The following SLC4A4 variants were observed in gnomAD, a reference collection of about 807,000 sequenced individuals.
The protein encoded by SLC4A4 is solute carrier family 4 member 4, also known as electrogenic sodium bicarbonate cotransporter 1.
SLC4A4 carries 27 observed loss-of-function variants against 111.5 expected under a neutral mutation model. The ratio of observed to expected loss-of-function variants is 0.24; its 90% CI spans 0.18 to 0.33. The LOEUF (loss-of-function observed/expected upper bound fraction) is 0.33. Ranked by LOEUF, SLC4A4 falls within the 10% of genes least tolerant of loss-of-function variation. The probability of loss-of-function intolerance (pLI) is 1.00; values close to 1 mark genes in which losing one functional copy is unlikely to be tolerated. For missense variants in SLC4A4, 909 were observed against 1,315.5 expected (o/e 0.69, Z 4.78); for synonymous variants, 443 against 463.4 (o/e 0.96, Z 0.57).
intron 2 of SLC4A4, among the ~76,000 whole-genome samples, chr4:71,100,739 T>G (rs1742705160): frequency 2.6e-5 from 4 of 152,122 alleles, no homozygotes; most frequent in Admixed American, 2.6e-4. Context: ...GATAAACAAC[T>G]TCAGCAAAGT....
chr4:71,453,312 A>G (rs893496515), intron 11 of SLC4A4, among the ~76,000 whole-genome samples, 183 bp from the exon 12 acceptor site: 9 of 152,202 alleles, frequency 5.9e-5, no homozygotes, highest in Non-Finnish European at 1.2e-4. Context: ...ACCCAAAAAG[A>G]AAGAGATAGA....
intron 6 of SLC4A4, among the ~76,000 whole-genome samples, chr4:71,387,183 A>G (rs1157376084): frequency 6.6e-6 from 1 of 152,240 alleles, no homozygotes; most frequent in Admixed American, 6.5e-5. Flanking sequence ...AGAGTTTTGC[A>G]GGGAAGATGT....
At chr4:71,304,810 G>A (rs932763058) in intron 3 of SLC4A4, among the ~76,000 whole-genome samples, 5 of 152,148 alleles carry the variant, frequency 3.3e-5, no homozygotes, top group Admixed American at 3.3e-4. Context: ...AGTAAAAGTT[G>A]TCTTAGAGGA....
intron 2 of SLC4A4, among the ~76,000 whole-genome samples, chr4:71,124,057 G>C (rs1388217043): frequency 6.6e-6 from 1 of 152,030 alleles, no homozygotes; most frequent in African/African-American, 2.4e-5. Context: ...TGTTTATTTG[G>C]GTGGTTGTGG....
chr4:71,414,179 C>T (rs1721638885), intron 7 of SLC4A4, among the ~76,000 whole-genome samples: 1 of 152,250 alleles, frequency 6.6e-6, no homozygotes, highest in Non-Finnish European at 1.5e-5. Flanking sequence ...CATGCACTCC[C>T]TGGATCCCCA....
At chr4:71,150,536 C>T (rs1236889701) in intron 2 of SLC4A4, among the ~76,000 whole-genome samples, 7 of 152,038 alleles carry the variant, frequency 4.6e-5, no homozygotes, top group Admixed American at 4.6e-4. Context: ...AATGCGTTAC[C>T]TAAATGGAAA....
intron 7 of SLC4A4, 101 bp from the exon 8 acceptor site, chr4:71,440,515 A>G (rs1276012193): frequency 2.3e-6 from 3 of 1,293,796 alleles, no homozygotes; most frequent in Admixed American, 1.7e-5. Flanking sequence ...CCTGTGAGTG[A>G]TACATGGGAA....
chr4:71,262,492 T>A (rs1028753257), intron 3 of SLC4A4, among the ~76,000 whole-genome samples: 8 of 152,220 alleles, frequency 5.3e-5, no homozygotes, highest in Non-Finnish European at 7.3e-5. Context: ...TCCTGGTTAA[T>A]ATAGAATCAA....
chr4:71,111,250 T>C (rs1386871573), intron 2 of SLC4A4, among the ~76,000 whole-genome samples: 1 of 152,194 alleles, frequency 6.6e-6, no homozygotes, highest in African/African-American at 2.4e-5. Flanking sequence ...AGACAACTTG[T>C]CACCCTATTT....
chr4:71,233,302 A>G, intron 1 of SLC4A4: 1 of 985,414 alleles, frequency 1.0e-6, no homozygotes, highest in Non-Finnish European at 1.2e-6. Context: ...TGTGTCTGCT[A>G]CTGTGTGTGG....
intron 3 of SLC4A4, among the ~76,000 whole-genome samples, chr4:71,327,208 C>T (rs1257206195): frequency 6.6e-6 from 1 of 152,010 alleles, no homozygotes; most frequent in Non-Finnish European, 1.5e-5. Flanking sequence ...TCGCAAAATG[C>T]CTTTTGGTGA....
intron 6 of SLC4A4, among the ~76,000 whole-genome samples, chr4:71,367,044 C>T (rs773439780): frequency 2.0e-5 from 3 of 152,156 alleles, no homozygotes; most frequent in South Asian, 4.1e-4. Context: ...TCTTTGCTGG[C>T]GAGTGCCAGG....
At chr4:71,082,486 T>C (rs1742020432) in intron 1 of SLC4A4, among the ~76,000 whole-genome samples, 1 of 152,056 alleles carries the variant, frequency 6.6e-6, no homozygotes, top group African/African-American at 2.4e-5. Flanking sequence ...TGTTTATCAT[T>C]GGTTGGTGCA....
chr4:71,102,623 C>A (rs1008824427), intron 2 of SLC4A4, among the ~76,000 whole-genome samples: 3 of 151,694 alleles, frequency 2.0e-5, no homozygotes, highest in Non-Finnish European at 4.4e-5. Context: ...ATTCAACATT[C>A]TTAAAGAAAA....
At chr4:71,067,633 A>G (rs1166797287) in intron 1 of SLC4A4, among the ~76,000 whole-genome samples, 1 of 152,176 alleles carries the variant, frequency 6.6e-6, no homozygotes, top group Admixed American at 6.5e-5. Context: ...TTAGTAGGGG[A>G]GAAAGAGAGA....
In SLC4A4 at chr4:71,555,160, C is replaced by T; in HGVS notation, c.2715C>T (p.Leu905=). The change falls in exon 21 of 26, where the codon CTC becomes CTT. Residue 905 remains leucine, a synonymous_variant. Coordinates refer to ENST00000264485, the MANE Select transcript of SLC4A4 (RefSeq NM_001098484.3). ...PILKFIPMPV[L]YGVFLYMGVA... The stretch of plus-strand genomic sequence containing the variant: ...TCTAGTTTATACCCATGCCTGTACT[C>T]TATGGTGTGTTCCTGTATATGGGAG... 1.2e-6 allele frequency: 2 copies of T among 1,609,844 alleles called. No homozygotes were observed. The highest frequency in any genetic ancestry group is 4.5e-5 in the East Asian group (2 of 44,678).
At chr4:71,381,941 A>G (rs550309823) in intron 6 of SLC4A4, among the ~76,000 whole-genome samples, 1 of 152,330 alleles carries the variant, frequency 6.6e-6, no homozygotes, top group South Asian at 2.1e-4. Flanking sequence ...AAGGAGGAGA[A>G]TGAGAACGTA....
Position 71,440,717 on chromosome 4 carries a change from T to C in SLC4A4, c.909T>C (p.Val303=). The part of the protein sequence containing the change: ...DFLDTPFIAF[V]RLQQAVMLGA... ...TGGATACTCCTTTCATTGCCTTTGT[T>C]AGGCTACAGCAGGCTGTCATGCTGG... The change falls in exon 8 of 26, where the codon GTT becomes GTC. Residue 303 remains valine (V), a synonymous_variant. Transcript: ENST00000264485. 1.2e-6 allele frequency: 2 copies of C among 1,614,150 alleles called. No homozygotes were observed. The highest frequency in any genetic ancestry group is 1.7e-6 in the Non-Finnish European group (2 of 1,179,990).
At chr4:71,307,173 T>C (rs1000274902) in intron 3 of SLC4A4, among the ~76,000 whole-genome samples, 1 of 152,144 alleles carries the variant, frequency 6.6e-6, no homozygotes, top group East Asian at 1.9e-4. Flanking sequence ...AAAGAAAAAA[T>C]ATGTGCTTAA....
Sources: allele counts gnomAD v4.1 joint callset (sites outside exome capture counted in the v4.1 genomes callset), GRCh38; gene constraint gnomAD v4.1.1; transcripts MANE v1.5; gene names NCBI Gene and HGNC (gene_info 2026-07-23, HGNC 2026-07-21).